The following MRTFB variants were observed in gnomAD, a reference collection of about 807,000 sequenced individuals.
The protein encoded by MRTFB is myocardin related transcription factor B, also known as myocardin-related transcription factor B.
MRTFB carries 29 observed loss-of-function variants against 104.2 expected under a neutral mutation model. That is an observed-to-expected ratio of 0.28 (90% CI 0.21 to 0.38). MRTFB has a LOEUF of 0.38. Among genes scored for constraint, MRTFB ranks in the 10% least tolerant of loss-of-function variants. The pLI is 1.00. For synonymous variants in MRTFB, 535 were observed against 519.5 expected (o/e 1.03, Z -0.41); for missense variants, 1,270 against 1,341.6 (o/e 0.95, Z 0.83).
At chr16:14,069,472 T>C (rs2033568970), upstream of MRTFB, among the ~76,000 whole-genome samples, 1 of 152,154 alleles carries the variant, frequency 6.6e-6, no homozygotes. Flanking sequence ...ATACATCCCC[T>C]CTTATGAATC....
chr16:14,000,297 AG>A, the MRTFB span, among the ~76,000 whole-genome samples: 1 of 152,238 alleles, frequency 6.6e-6, no homozygotes, highest in East Asian at 1.9e-4. Context: ...GCGGGGGAGG[AG>A]GACGCATAGG....
At position 14,252,432 on chromosome 16, in the gene MRTFB, A is replaced by T. The variant is rs761790724; in HGVS notation, c.2633A>T (p.Lys878Met). 6.2e-7 allele frequency: 1 copy of T among 1,613,650 alleles called. No homozygotes were observed. The highest frequency in any genetic ancestry group is 1.1e-5 in the South Asian group (1 of 91,038). ...TCTCTATTTGGGAGTCCAGTCGCCAAGACAAAAGATCCCCCCCGCTATGAG... is the reference window on the plus strand; with the variant it reads ...TCTCTATTTGGGAGTCCAGTCGCCATGACAAAAGATCCCCCCCGCTATGAG... ...QHSLFGSPVA[K>M]TKDPPRYEEA... The change falls in exon 15 of 17, where the codon AAG (lysine) becomes ATG (methionine). Residue 878 changes from lysine to methionine, a missense_variant. This residue lies in a region of MRTFB where 1,144 missense variants were observed against 1,131.5 expected (regional missense o/e 1.01). Coordinates refer to ENST00000571589, the MANE Select transcript of MRTFB (RefSeq NM_001308142.2).
chr16:14,259,925 TTC>T (rs2043693660), intron 16 of MRTFB, among the ~76,000 whole-genome samples: 1 of 152,226 alleles, frequency 6.6e-6, no homozygotes, highest in Non-Finnish European at 1.5e-5. Context: ...TTTAAGTTCC[TTC>T]TCTCAGCCAT....
intron 3 of MRTFB, among the ~76,000 whole-genome samples, chr16:14,184,688 T>G (rs1263806236): frequency 6.6e-6 from 1 of 152,228 alleles, no homozygotes; most frequent in East Asian, 1.9e-4. Context: ...ATGTTAGCTT[T>G]CTTTCCTCTC....
the MRTFB span, among the ~76,000 whole-genome samples, chr16:14,021,369 C>T: frequency 6.5e-3 from 991 of 152,306 alleles, 9 homozygotes; most frequent in African/African-American, 0.023. Context: ...TGGCTCGCTC[C>T]TACAGCAGCA....
chr16:14,176,342 G>A (rs1272086573), intron 3 of MRTFB, among the ~76,000 whole-genome samples: 1 of 152,188 alleles, frequency 6.6e-6, no homozygotes, highest in Non-Finnish European at 1.5e-5. Context: ...TAAAATTTAC[G>A]AAGATGGGGT....
chr16:14,121,029 T>A (rs2036818538), intron 2 of MRTFB, among the ~76,000 whole-genome samples: 1 of 152,180 alleles, frequency 6.6e-6, no homozygotes, highest in South Asian at 2.1e-4. Context: ...TTTCCAGAAG[T>A]CTTTTTGATT....
chr16:14,132,719 A>T (rs11075232), intron 2 of MRTFB, among the ~76,000 whole-genome samples: 35,742 of 152,138 alleles, frequency 0.23, 7,918 homozygotes, highest in African/African-American at 0.57. Flanking sequence ...CGTATTTTTT[A>T]AAATGCTTCG....
intron 2 of MRTFB, among the ~76,000 whole-genome samples, chr16:14,092,236 AT>A (rs937773674): frequency 2.9e-4 from 43 of 150,530 alleles, no homozygotes; most frequent in African/African-American, 8.7e-4. Context: ...GACAGGGACT[AT>A]TTTTTTTTGC....
At chr16:14,061,953 A>AAGAACAAAGAAGCCAACTGGAGT in the MRTFB span, among the ~76,000 whole-genome samples, 2 of 152,296 alleles carry the variant, frequency 1.3e-5, no homozygotes, top group South Asian at 4.1e-4. Flanking sequence ...TTGGGCTTCA[A>AAGAACAAAGAAGCCAACTGGAGT]AGAACAAAGA....
intron 1 of MRTFB, among the ~76,000 whole-genome samples, chr16:14,074,166 TG>T (rs1475245308): frequency 6.6e-6 from 1 of 152,188 alleles, no homozygotes; most frequent in African/African-American, 2.4e-5. Context: ...ATGTAGGTAA[TG>T]ACTGCTGTCA....
At chr16:14,119,808 C>T (rs191942289) in intron 2 of MRTFB, among the ~76,000 whole-genome samples, 3 of 152,146 alleles carry the variant, frequency 2.0e-5, no homozygotes, top group Non-Finnish European at 4.4e-5. Context: ...AAAATAATGG[C>T]CTCGCATAGC....
In MRTFB at chr16:14,261,501, A is replaced by G. The variant is rs1272136260; in HGVS notation, c.*57A>G. 1.7e-5 allele frequency: 26 copies of G among 1,494,400 alleles called. No individual in the cohort carries two copies. The highest frequency in any genetic ancestry group is 2.3e-5 in the Non-Finnish European group (26 of 1,111,236). 92.6% of individuals were successfully genotyped at this position (1,494,400 alleles called of 1,614,324 possible). On this transcript the variant is annotated 3_prime_UTR_variant, in exon 17 of 17. Coordinates refer to ENST00000571589, the MANE Select transcript of MRTFB (RefSeq NM_001308142.2). ...GGTTTAAGAACATGAAGATTCTAAA[A>G]GGTCAGTTTTTAGAGATAGATCTAT...
chr16:13,997,162 G>A, the MRTFB span, among the ~76,000 whole-genome samples: 1 of 152,324 alleles, frequency 6.6e-6, no homozygotes, highest in South Asian at 2.1e-4. Flanking sequence ...ATAGAAAGAT[G>A]GCCCCACGTT....
chr16:14,264,841 G>C lies in MRTFB; in HGVS notation c.*3397G>C, dbSNP rs995592668. On this transcript the variant is annotated 3_prime_UTR_variant, in exon 17 of 17. Transcript: ENST00000571589. ...GGGCGCACTACCTATTTTGTCACCA[G>C]AGCTGACTCAGGCTTCCTGGACCCT... The C allele has an allele frequency of 2.0e-5, 3 of 152,220 alleles. No individual in the cohort carries two copies. Among genetic ancestry groups the C allele is most frequent in the African/African-American group, 7.2e-5 (3 of 41,444 alleles). The allele number at this position is 152,220 out of a possible 1,614,324, so 9.4% of individuals were successfully genotyped here. A position where few individuals can be genotyped will look rare whatever the true frequency, so the allele number is the denominator to read the frequency against.
At position 14,228,367 on chromosome 16, in the gene MRTFB, G is replaced by C. The variant is rs564011296; in HGVS notation, c.694-5779G>C. Among the ~76,000 whole-genome samples the C allele has an allele frequency of 1.3e-3, 196 of 152,328 alleles. 2 individuals carry two copies. Among genetic ancestry groups the C allele is most frequent in the Middle Eastern group, 3.4e-3 (1 of 294 alleles). On this transcript the variant is annotated intron_variant, in intron 8 of 16. Transcript: ENST00000571589. ...CAAGTTGGGCGGATCACAAGGTTAGGAGATCGAGACCATCCTGGCCAACAT... is the reference window on the plus strand; with the variant it reads ...CAAGTTGGGCGGATCACAAGGTTAGCAGATCGAGACCATCCTGGCCAACAT...
At chr16:14,133,962 G>A (rs1196221540) in intron 2 of MRTFB, among the ~76,000 whole-genome samples, 4 of 152,228 alleles carry the variant, frequency 2.6e-5, no homozygotes, top group Non-Finnish European at 5.9e-5. Context: ...GTCTTTTTAT[G>A]TAGTAATTTA....
At chr16:14,131,165 C>T (rs1448655361) in intron 2 of MRTFB, among the ~76,000 whole-genome samples, 1 of 152,122 alleles carries the variant, frequency 6.6e-6, no homozygotes. Flanking sequence ...TATCTAACTC[C>T]AAAACATGAA....
At chr16:14,095,660 G>A (rs2035319937) in intron 2 of MRTFB, among the ~76,000 whole-genome samples, 1 of 152,314 alleles carries the variant, frequency 6.6e-6, no homozygotes. Context: ...AAATGAAATG[G>A]ACAAATTTCA....
Sources: allele counts gnomAD v4.1 joint callset (sites outside exome capture counted in the v4.1 genomes callset), GRCh38; gene constraint gnomAD v4.1.1; regional missense constraint gnomAD v4.1.1; transcripts MANE v1.5; gene names NCBI Gene and HGNC (gene_info 2026-07-23, HGNC 2026-07-21).